PTPRG: variants seen among roughly 807,000 people sequenced by gnomAD.
The protein encoded by PTPRG is receptor-type tyrosine-protein phosphatase gamma.
PTPRG carries 102 observed loss-of-function variants against 165.3 expected under a neutral mutation model. That is an observed-to-expected ratio of 0.62 (90% CI 0.53 to 0.73). PTPRG has a LOEUF of 0.73. Among genes scored for constraint, PTPRG ranks in the 30% least tolerant of loss-of-function variants. The probability of loss-of-function intolerance (pLI) is 0.00; values close to 1 mark genes in which losing one functional copy is unlikely to be tolerated. For synonymous variants in PTPRG, 675 were observed against 669.5 expected (o/e 1.01, Z -0.13); for missense variants, 1,866 against 1,861.4 (o/e 1.00, Z -0.05).
At chr3:61,879,308 T>C (rs1401530581) in intron 2 of PTPRG, among the ~76,000 whole-genome samples, 2 of 152,204 alleles carry the variant, frequency 1.3e-5, no homozygotes, top group Non-Finnish European at 2.9e-5. Flanking sequence ...CAGCTCATAC[T>C]GCAATATTAG....
At chr3:62,269,243 G>A in intron 20 of PTPRG, 74 bp downstream of exon 20, 1 of 1,400,186 alleles carries the variant, frequency 7.1e-7, no homozygotes. Context: ...TACAACCAAG[G>A]CCAAATCTCA....
chr3:61,983,004 A>G (rs925066097), intron 2 of PTPRG, among the ~76,000 whole-genome samples: 6 of 152,178 alleles, frequency 3.9e-5, no homozygotes, highest in African/African-American at 1.4e-4. Context: ...TAAAACCAAA[A>G]AATGTGTATT....
chr3:61,720,880 C>T (rs114384148), intron 1 of PTPRG, among the ~76,000 whole-genome samples: 3,349 of 152,276 alleles, frequency 0.022, 40 homozygotes, highest in South Asian at 0.039. Context: ...ATAACTTAGA[C>T]GATTAGATTT....
intron 4 of PTPRG, among the ~76,000 whole-genome samples, chr3:62,061,168 A>C (rs1281503889): frequency 2.0e-5 from 3 of 152,196 alleles, no homozygotes; most frequent in Non-Finnish European, 4.4e-5. Flanking sequence ...TTTGTCCTGG[A>C]GTTTTTAATG....
intron 5 of PTPRG, among the ~76,000 whole-genome samples, chr3:62,111,798 T>A (rs941382490): frequency 2.6e-5 from 4 of 152,200 alleles, no homozygotes; most frequent in Non-Finnish European, 4.4e-5. Context: ...GGATCTTTTT[T>A]TCCTTTAAAT....
chr3:61,725,149 T>C (rs1192172329), intron 1 of PTPRG, among the ~76,000 whole-genome samples: 1 of 152,158 alleles, frequency 6.6e-6, no homozygotes, highest in African/African-American at 2.4e-5. Flanking sequence ...AATTTTTGTG[T>C]AAGTTGTGAG....
At chr3:62,034,187 G>A (rs1699867435) in intron 4 of PTPRG, among the ~76,000 whole-genome samples, 1 of 152,192 alleles carries the variant, frequency 6.6e-6, no homozygotes, top group South Asian at 2.1e-4. Context: ...TGGAACCCAA[G>A]TATACAAAGA....
At position 62,031,539 on chromosome 3, in the gene PTPRG, G is replaced by A. The variant is rs565203696; in HGVS notation, c.519+28042G>A. On this transcript the variant is annotated intron_variant, in intron 4 of 29. Transcript: ENST00000474889. ...ATTTTAAGGGAGATGAGAATCCTTC[G>A]AAGCGTTCTGAAGAAGGAAGTAGCG... 1.6e-4 allele frequency among the ~76,000 whole-genome samples: 24 copies of A among 152,262 alleles called. 1 individual carries two copies. In the South Asian group the frequency reaches 5.0e-3, roughly 32 times the overall value.
At chr3:61,995,084 CTTTTTTTTTTT>C (rs761499179) in intron 3 of PTPRG, among the ~76,000 whole-genome samples, 2 of 35,396 alleles carry the variant, frequency 5.7e-5, no homozygotes, top group Admixed American at 2.7e-4. Flanking sequence ...TTCTTTCTTT[CTTTTTTTTTTT>C]TTTTTTTTTT....
At chr3:61,870,492 T>G (rs1262005974) in intron 2 of PTPRG, among the ~76,000 whole-genome samples, 2 of 129,570 alleles carry the variant, frequency 1.5e-5, no homozygotes, top group Non-Finnish European at 3.2e-5. Context: ...TTTTTTTTTT[T>G]TTTTTTTTTT....
chr3:62,276,141 A>G (rs574412778), intron 24 of PTPRG, among the ~76,000 whole-genome samples, 175 bp downstream of exon 24: 3 of 152,204 alleles, frequency 2.0e-5, no homozygotes, highest in South Asian at 4.2e-4. Context: ...ATGACTTTAT[A>G]CCAGCCTCTT....
intron 2 of PTPRG, among the ~76,000 whole-genome samples, chr3:61,871,819 C>G (rs1017076213): frequency 6.6e-6 from 1 of 152,160 alleles, no homozygotes; most frequent in Non-Finnish European, 1.5e-5. Flanking sequence ...TGCTTGCCTT[C>G]CCTTTTGAAG....
chr3:62,132,775 C>T (rs1308660969), intron 6 of PTPRG, 107 bp downstream of exon 6: 1 of 1,018,452 alleles, frequency 9.8e-7, no homozygotes, highest in Non-Finnish European at 1.6e-6. Context: ...ACCTATTCCT[C>T]ATCCCCTGAT....
intron 4 of PTPRG, among the ~76,000 whole-genome samples, chr3:62,062,181 C>T (rs1445178900): frequency 6.6e-6 from 1 of 151,344 alleles, no homozygotes. Flanking sequence ...TGCCTGTAAT[C>T]CCAGCTACTC....
intron 2 of PTPRG, among the ~76,000 whole-genome samples, chr3:61,985,403 G>C (rs1316520434): frequency 6.6e-6 from 1 of 152,216 alleles, no homozygotes; most frequent in Non-Finnish European, 1.5e-5. Flanking sequence ...TTTCTTGACA[G>C]TCTGCTATAC....
intron 8 of PTPRG, among the ~76,000 whole-genome samples, chr3:62,184,701 C>T (rs1415121617): frequency 1.3e-5 from 2 of 152,158 alleles, no homozygotes; most frequent in South Asian, 2.1e-4. Flanking sequence ...CAAGCTGTTC[C>T]CTCTGACACC....
chr3:61,652,996 G>A (rs1702400262), intron 1 of PTPRG, among the ~76,000 whole-genome samples: 1 of 152,164 alleles, frequency 6.6e-6, no homozygotes, highest in African/African-American at 2.4e-5. Context: ...GATATCATGG[G>A]GGTAGAAATT....
intron 2 of PTPRG, among the ~76,000 whole-genome samples, chr3:61,956,733 G>T (rs1405711142): frequency 2.6e-5 from 4 of 152,158 alleles, no homozygotes; most frequent in African/African-American, 9.7e-5. Flanking sequence ...GATTTTTCCT[G>T]CTGGCAATGA....
At chr3:61,640,677 T>C (rs1340147830) in intron 1 of PTPRG, among the ~76,000 whole-genome samples, 1 of 152,212 alleles carries the variant, frequency 6.6e-6, no homozygotes, top group Admixed American at 6.5e-5. Context: ...ACCCTTTTCA[T>C]GATGCAAAAT....
Sources: gnomAD v4.1 joint callset for allele counts (sites outside exome capture counted in the v4.1 genomes callset) on GRCh38, gnomAD v4.1.1 for gene constraint, MANE v1.5 for transcripts, NCBI Gene and HGNC (gene_info 2026-07-23, HGNC 2026-07-21) for gene names.